Variants in RABGAP1L observed in about 807,000 individuals in gnomAD.
RABGAP1L encodes rab GTPase-activating protein 1-like.
In RABGAP1L, 63 loss-of-function variants were observed where a neutral mutation model predicts 137.7. The observed-to-expected ratio is 0.46, with a 90% CI of 0.37 to 0.56. The LOEUF is 0.56. Among genes scored for constraint, RABGAP1L ranks in the 20% least tolerant of loss-of-function variants. The pLI, the probability that RABGAP1L is intolerant of heterozygous loss-of-function variation, is 0.00. For missense variants in RABGAP1L, 1,095 were observed against 1,244.0 expected (o/e 0.88, Z 1.80); for synonymous variants, 431 against 433.7 (o/e 0.99, Z 0.08).
rs554604864 is a variant in RABGAP1L at position 174,653,581 on chromosome 1, A to G, written c.1824+16093A>G. ...GTGAGGTGACACCCCACCCTGCTTC[A>G]GGTTGCCCCCGTACCCACTGTCTAA... On this transcript the variant is annotated intron_variant, in intron 14 of 25. Transcript: ENST00000681986. 7.2e-5 allele frequency among the ~76,000 whole-genome samples: 11 copies of G among 152,232 alleles called. No individual in the cohort carries two copies. The East Asian group carries it at 2.1e-3, about 29-fold the overall frequency.
chr1:174,412,656 G>A (rs916589632), intron 13 of RABGAP1L, among the ~76,000 whole-genome samples: 1 of 152,030 alleles, frequency 6.6e-6, no homozygotes, highest in Non-Finnish European at 1.5e-5. Context: ...AACTGGTTTA[G>A]TGGTAATGAA....
intron 19 of RABGAP1L, among the ~76,000 whole-genome samples, chr1:174,937,590 AT>A (rs1326559561): frequency 7.1e-6 from 1 of 140,108 alleles, no homozygotes; most frequent in South Asian, 2.3e-4. Flanking sequence ...CCAGCCCAAG[AT>A]TAATTTTTAA....
chr1:174,240,843 A>G (rs1671750248), intron 4 of RABGAP1L, among the ~76,000 whole-genome samples: 1 of 152,226 alleles, frequency 6.6e-6, no homozygotes, highest in African/African-American at 2.4e-5. Context: ...CCAGGCACGT[A>G]TACTTAGCTT....
intron 7 of RABGAP1L, among the ~76,000 whole-genome samples, chr1:174,253,262 C>T (rs187290858): frequency 3.9e-5 from 6 of 152,038 alleles, no homozygotes; most frequent in East Asian, 1.9e-4. Context: ...CAGGGAAATG[C>T]GAATTATAGT....
intron 17 of RABGAP1L, among the ~76,000 whole-genome samples, chr1:174,734,328 G>C (rs2148630804): frequency 6.6e-6 from 1 of 152,216 alleles, no homozygotes; most frequent in Non-Finnish European, 1.5e-5. Flanking sequence ...TGACCATAGG[G>C]AACTCGGGAG....
At chr1:174,321,045 G>A (rs1273628137) in intron 11 of RABGAP1L, among the ~76,000 whole-genome samples, 1 of 152,106 alleles carries the variant, frequency 6.6e-6, no homozygotes, top group Non-Finnish European at 1.5e-5. Context: ...GAAAGAGAAT[G>A]CGTTCCTAGG....
chr1:174,345,416 G>A (rs776356805), intron 11 of RABGAP1L, among the ~76,000 whole-genome samples: 24 of 152,064 alleles, frequency 1.6e-4, no homozygotes, highest in East Asian at 1.9e-4. Context: ...CTTCCAGTGC[G>A]TGAACGTGGA....
chr1:174,719,683 A>G (rs1484176401), intron 17 of RABGAP1L, among the ~76,000 whole-genome samples: 1 of 152,236 alleles, frequency 6.6e-6, no homozygotes, highest in African/African-American at 2.4e-5. Context: ...TGAACTGCAG[A>G]GTACATATTC....
chr1:174,195,108 GAGA>G (rs1667474224), intron 1 of RABGAP1L, among the ~76,000 whole-genome samples: 2 of 152,236 alleles, frequency 1.3e-5, no homozygotes, highest in African/African-American at 4.8e-5. Context: ...TTGTTCAGTT[GAGA>G]AGGACTTGAT....
At chr1:174,536,937 G>T (rs1361675309) in intron 13 of RABGAP1L, among the ~76,000 whole-genome samples, 1 of 152,062 alleles carries the variant, frequency 6.6e-6, no homozygotes, top group Admixed American at 6.6e-5. Flanking sequence ...AAAAAATAGG[G>T]TGAAAGTTCT....
intron 14 of RABGAP1L, among the ~76,000 whole-genome samples, chr1:174,642,217 CA>C (rs1674583241): frequency 1.3e-5 from 2 of 152,046 alleles, no homozygotes; most frequent in African/African-American, 4.8e-5. Context: ...ATATATTATA[CA>C]GAGATTAATA....
At chr1:174,162,153 C>G (rs145572871) in intron 1 of RABGAP1L, among the ~76,000 whole-genome samples, 32 of 151,432 alleles carry the variant, frequency 2.1e-4, no homozygotes, top group Non-Finnish European at 4.0e-4. Context: ...TTTCTTTTTA[C>G]GCTGGTAGTT....
intron 18 of RABGAP1L, among the ~76,000 whole-genome samples, chr1:174,802,251 G>T (rs924256928): frequency 3.3e-5 from 5 of 152,120 alleles, no homozygotes; most frequent in African/African-American, 1.2e-4. Flanking sequence ...GTGGTCTTGA[G>T]ACCTTACTTA....
At position 174,990,008 on chromosome 1, in the gene RABGAP1L, C is replaced by T. The variant is rs1671954683; in HGVS notation, c.*7C>T. The T allele has an allele frequency of 1.3e-6, 2 of 1,532,840 alleles. No individual in the cohort carries two copies. Among genetic ancestry groups the T allele is most frequent in the East Asian group, 2.5e-5 (1 of 40,812 alleles). The allele number at this position is 1,532,840 out of a possible 1,614,324, so 95.0% of individuals were successfully genotyped here. ...ACCCAAGGAGAGCACATAGTTCCAG[C>T]CTTACCCAAGCACAAGAGCACAATG... On this transcript the variant is annotated 3_prime_UTR_variant, in exon 26 of 26. Coordinates refer to ENST00000681986, the MANE Select transcript of RABGAP1L (RefSeq NM_001366446.1).
intron 19 of RABGAP1L, among the ~76,000 whole-genome samples, chr1:174,918,323 T>G (rs753093128): frequency 6.6e-6 from 1 of 152,238 alleles, no homozygotes; most frequent in Non-Finnish European, 1.5e-5. Context: ...TTATCTATAA[T>G]GTATATATTT....
intron 13 of RABGAP1L, among the ~76,000 whole-genome samples, chr1:174,611,816 C>A (rs1298194436): frequency 2.0e-5 from 3 of 152,192 alleles, no homozygotes; most frequent in African/African-American, 7.2e-5. Context: ...CTCCTTGAAG[C>A]AATTGTGAAT....
intron 17 of RABGAP1L, among the ~76,000 whole-genome samples, chr1:174,703,231 T>C (rs1679791254): frequency 6.6e-6 from 1 of 152,142 alleles, no homozygotes; most frequent in Non-Finnish European, 1.5e-5. Flanking sequence ...ATAATGCACA[T>C]TGTACCTGTT....
chr1:174,496,355 T>C (rs1660732476), intron 13 of RABGAP1L, among the ~76,000 whole-genome samples: 1 of 152,136 alleles, frequency 6.6e-6, no homozygotes, highest in African/African-American at 2.4e-5. Context: ...TTGACAGTGA[T>C]AGTGATAGTA....
intron 11 of RABGAP1L, among the ~76,000 whole-genome samples, chr1:174,315,726 A>G (rs1459155110): frequency 1.3e-5 from 2 of 150,302 alleles, no homozygotes; most frequent in South Asian, 2.1e-4. Flanking sequence ...GCCTTGACAT[A>G]GTCTTCTTTG....
Sources: gnomAD v4.1 joint callset for allele counts (sites outside exome capture counted in the v4.1 genomes callset) on GRCh38, gnomAD v4.1.1 for gene constraint, MANE v1.5 for transcripts, NCBI Gene and HGNC (gene_info 2026-07-23, HGNC 2026-07-21) for gene names.